The following NEO1 variants were observed in gnomAD, a reference collection of about 807,000 sequenced individuals.
The protein encoded by NEO1 is neogenin 1.
In NEO1, 63 loss-of-function variants were observed where a neutral mutation model predicts 159.7. That is an observed-to-expected ratio of 0.39 (90% CI 0.32 to 0.49). The LOEUF (loss-of-function observed/expected upper bound fraction) is 0.49. Ranked by LOEUF, NEO1 falls within the 20% of genes least tolerant of loss-of-function variation. NEO1 has a pLI of 0.85. For missense variants in NEO1, 1,615 were observed against 1,831.0 expected, an observed-to-expected ratio of 0.88 and a Z score of 2.15; for synonymous variants, 633 against 662.0, an observed-to-expected ratio of 0.96 and a Z score of 0.67.
intron 1 of NEO1, among the ~76,000 whole-genome samples, chr15:73,088,886 G>A (rs1409254543): frequency 6.6e-6 from 1 of 152,066 alleles, no homozygotes; most frequent in Admixed American, 6.5e-5. Context: ...AAACTCCTAA[G>A]AAGAAGGAAG....
chr15:73,161,386 C>T (rs992155858), intron 5 of NEO1, among the ~76,000 whole-genome samples: 3 of 152,244 alleles, frequency 2.0e-5, no homozygotes, highest in Middle Eastern at 3.4e-3. Flanking sequence ...TCACTTCAAT[C>T]GTATGAGAAT....
At chr15:73,125,830 C>T (rs538754075) in intron 3 of NEO1, among the ~76,000 whole-genome samples, 41 of 148,794 alleles carry the variant, frequency 2.8e-4, no homozygotes, top group Admixed American at 1.3e-3. Context: ...GTTAAAGAGA[C>T]GAAACTCAGA....
chr15:73,279,873 C>T (rs960039475), intron 22 of NEO1, among the ~76,000 whole-genome samples: 2 of 152,080 alleles, frequency 1.3e-5, no homozygotes, highest in Non-Finnish European at 2.9e-5. Flanking sequence ...AATAAAACAG[C>T]CTGCTCTCTC....
chr15:73,158,340 A>G (rs955234720), intron 5 of NEO1, among the ~76,000 whole-genome samples: 1 of 151,532 alleles, frequency 6.6e-6, no homozygotes, highest in African/African-American at 2.4e-5. Flanking sequence ...TCATTTCAAA[A>G]GAATTGTGAT....
chr15:73,301,522 C>T (rs897675406), intron 28 of NEO1, 65 bp downstream of exon 28: 1 of 1,603,584 alleles, frequency 6.2e-7, no homozygotes. Flanking sequence ...CCTGAGACTG[C>T]TGGTCAAGCT....
At chr15:73,189,218 G>T (rs2036105520) in intron 7 of NEO1, among the ~76,000 whole-genome samples, 1 of 152,122 alleles carries the variant, frequency 6.6e-6, no homozygotes, top group Admixed American at 6.6e-5. Context: ...TTACTCCTTG[G>T]TATACATGGG....
chr15:73,183,287 C>A (rs926420095), intron 7 of NEO1, among the ~76,000 whole-genome samples: 3 of 152,044 alleles, frequency 2.0e-5, no homozygotes, highest in African/African-American at 7.2e-5. Flanking sequence ...TCCTTTAAGC[C>A]TCAAACCAGT....
rs2042717836 is a variant in NEO1, at chr15:73,304,477, C to T, written c.*1781C>T. The T allele has an allele frequency of 1.3e-5, 2 of 152,196 alleles. No individual in the cohort carries two copies. Among genetic ancestry groups the T allele is most frequent in the Admixed American group, 1.3e-4 (2 of 15,282 alleles). 9.4% of individuals were successfully genotyped at this position (152,196 alleles called of 1,614,324 possible). On this transcript the variant is annotated 3_prime_UTR_variant, in exon 29 of 29. Transcript: ENST00000261908. ...CCTGCCTTTGAACTTGGGGATTTGC[C>T]ATGTTTGATCTTGTCACATACTTGC...
chr15:73,152,268 G>T (rs896300245), intron 5 of NEO1, among the ~76,000 whole-genome samples: 14 of 152,124 alleles, frequency 9.2e-5, no homozygotes, highest in African/African-American at 3.4e-4. Flanking sequence ...CTGCCCCAAG[G>T]CTCTAATCTT....
chr15:73,239,193 A>G (rs144126171), intron 8 of NEO1, among the ~76,000 whole-genome samples: 152 of 152,310 alleles, frequency 1.0e-3, no homozygotes, highest in African/African-American at 3.5e-3. Context: ...TAAGTTGATA[A>G]TATCCAGTGT....
intron 8 of NEO1, among the ~76,000 whole-genome samples, chr15:73,240,927 C>A (rs1237522797): frequency 1.3e-5 from 2 of 152,170 alleles, no homozygotes; most frequent in Admixed American, 1.3e-4. Flanking sequence ...TCTTATTAAT[C>A]TTATCGGCTT....
chr15:73,244,954 CAAAAAAAAAAAAAAAAAAAAAAA>C (rs57566986), intron 9 of NEO1, among the ~76,000 whole-genome samples: 2 of 16,514 alleles, frequency 1.2e-4, no homozygotes, highest in African/African-American at 4.2e-4. Flanking sequence ...GACTCTGTCT[CAAAAAAAAAAAAAAAAAAAAAAA>C]AAAAAACAAC....
At chr15:73,167,221 A>G (rs1308428210) in intron 5 of NEO1, among the ~76,000 whole-genome samples, 1 of 151,622 alleles carries the variant, frequency 6.6e-6, no homozygotes, top group East Asian at 1.9e-4. Context: ...ACTTGTATAC[A>G]TATGTAACAA....
At chr15:73,260,522 T>C in intron 15 of NEO1, 57 bp downstream of exon 15, 1 of 1,368,356 alleles carries the variant, frequency 7.3e-7, no homozygotes, top group Non-Finnish European at 9.7e-7. Flanking sequence ...CTTTTTAACC[T>C]TTTATGTAAT....
Position 73,087,579 on chromosome 15 carries a change from C to T in NEO1, c.131-28961C>T, listed in dbSNP as rs116551331. On this transcript the variant is annotated intron_variant, in intron 1 of 28. Transcript: ENST00000261908. The stretch of plus-strand genomic sequence containing the variant: ...GAAAAGATCATGTGGAATGTTATTT[C>T]TTCTTTAACTGTTTAGTAGAATTTA... 2.9e-3 allele frequency among the ~76,000 whole-genome samples: 446 copies of T among 152,122 alleles called. 4 individuals carry two copies. The highest frequency in any genetic ancestry group is 9.9e-3 in the African/African-American group (409 of 41,520).
intron 7 of NEO1, among the ~76,000 whole-genome samples, chr15:73,192,530 A>G (rs537334936): frequency 1.2e-4 from 19 of 152,096 alleles, no homozygotes; most frequent in Middle Eastern, 3.4e-3. Flanking sequence ...ATAATAATTT[A>G]TCTTACAGAT....
intron 1 of NEO1, among the ~76,000 whole-genome samples, chr15:73,103,645 G>T (rs1410789059): frequency 2.0e-5 from 3 of 152,160 alleles, no homozygotes; most frequent in Non-Finnish European, 4.4e-5. Context: ...GCACTCTTAA[G>T]GGCAGATAGT....
intron 8 of NEO1, among the ~76,000 whole-genome samples, chr15:73,237,778 A>G (rs2039263488): frequency 6.6e-6 from 1 of 152,246 alleles, no homozygotes; most frequent in Non-Finnish European, 1.5e-5. Flanking sequence ...CAATATCACC[A>G]TTAAAATATC....
At chr15:73,130,669 T>C (rs984152853) in intron 4 of NEO1, among the ~76,000 whole-genome samples, 2 of 152,092 alleles carry the variant, frequency 1.3e-5, no homozygotes, top group African/African-American at 2.4e-5. Context: ...AGCCAAGACT[T>C]TTATCCTAGC....
Sources: gnomAD v4.1 joint callset for allele counts (sites outside exome capture counted in the v4.1 genomes callset) on GRCh38, gnomAD v4.1.1 for gene constraint, MANE v1.5 for transcripts, NCBI Gene and HGNC (gene_info 2026-07-23, HGNC 2026-07-21) for gene names.